The following RPS20 variants were observed in gnomAD, a reference collection of about 807,000 sequenced individuals.
RPS20 encodes the protein small ribosomal subunit protein uS10.
In RPS20, 3 loss-of-function variants were observed where a neutral mutation model predicts 15.3. The ratio of observed to expected loss-of-function variants is 0.20; its 90% CI spans 0.09 to 0.51. The LOEUF (loss-of-function observed/expected upper bound fraction) is 0.51. RPS20 is among the 20% of genes least tolerant of loss of function. RPS20 has a pLI of 0.96. For missense variants in RPS20, 67 were observed against 145.9 expected, an observed-to-expected ratio of 0.46 and a Z score of 2.79; for synonymous variants, 62 against 47.8, an observed-to-expected ratio of 1.30 and a Z score of -1.23.
At position 56,074,100 on chromosome 8, in the gene RPS20, T is replaced by C; in HGVS notation, c.63A>G (p.Arg21=). 1.2e-6 allele frequency: 2 copies of C among 1,613,980 alleles called. No individual in the cohort carries two copies. The highest frequency in any genetic ancestry group is 2.2e-5 in the East Asian group (1 of 44,890). The part of the protein sequence containing the change: ...VEPEVAIHRI[R]ITLTSRNVKS... ...TTACGTTGCGGCTTGTTAGGGTGAT[T>C]CGAATTCGGTGAATTGCCACCTCCG... The change falls in exon 2 of 4, where the codon CGA becomes CGG. Residue 21 remains arginine (R), a synonymous_variant. Transcript: ENST00000009589.
At position 56,074,176 on chromosome 8, in the gene RPS20, G is replaced by T; in HGVS notation, c.4-17C>A. 1 of 1,601,594 alleles carries T rather than the reference G, an allele frequency of 6.2e-7. No homozygotes were observed. ...CTTAAAAGCCTATTATTAGATACAT[G>T]AAAAAGAACAATAAGCCAAAAATGG... On this transcript the variant is annotated splice_polypyrimidine_tract_variant and intron_variant, in intron 1 of 3. Coordinates refer to ENST00000009589, the MANE Select transcript of RPS20 (RefSeq NM_001023.4).
chr8:56,069,851 T>C (rs1367524025), downstream of RPS20: 7 of 1,352,500 alleles, frequency 5.2e-6, no homozygotes, highest in African/African-American at 4.3e-5. Flanking sequence ...TCAAAAGTAT[T>C]CAGAAAAAAA....
At chr8:56,071,970 AGTG>A (rs1809773558), downstream of RPS20, among the ~76,000 whole-genome samples, 2 of 152,234 alleles carry the variant, frequency 1.3e-5, no homozygotes, top group South Asian at 4.1e-4. Flanking sequence ...GGCTGGGTAC[AGTG>A]GCTCACTCCT....
downstream of RPS20, among the ~76,000 whole-genome samples, chr8:56,072,411 G>C (rs1252905906): frequency 2.0e-5 from 3 of 151,472 alleles, no homozygotes; most frequent in Non-Finnish European, 4.4e-5. Flanking sequence ...AATTAACCAG[G>C]CTTGGTCGCA....
chr8:56,068,540 A>AAAC (rs1401701268), downstream of RPS20: 3 of 151,410 alleles, frequency 2.0e-5, no homozygotes, highest in Non-Finnish European at 4.4e-5. Flanking sequence ...TCTAAAAAAA[A>AAAC]AAAAAAAAAA....
At position 56,074,453 on chromosome 8, in the gene RPS20, G is replaced by C; in HGVS notation, c.-70C>G. The C allele has an allele frequency of 6.6e-7, 1 of 1,518,950 alleles. No homozygotes were observed. Among genetic ancestry groups the C allele is most frequent in the Non-Finnish European group, 8.8e-7 (1 of 1,134,622 alleles). 94.1% of individuals were successfully genotyped at this position (1,518,950 alleles called of 1,614,324 possible). A position where few individuals can be genotyped will look rare whatever the true frequency, so the allele number is the denominator to read the frequency against. ...AGCGAACAGCGGTGAGTCAGGAGCA[G>C]GAGCGTGCGGACCAAAAATCCTCAG... On this transcript the variant is annotated 5_prime_UTR_variant, in exon 1 of 4. Transcript: ENST00000009589.
At chr8:56,072,780 G>C (rs751466931), downstream of RPS20, 14 of 728,102 alleles carry the variant, frequency 1.9e-5, no homozygotes, top group Non-Finnish European at 2.2e-5. Flanking sequence ...CCATGGGTGT[G>C]CATTACAAAC....
downstream of RPS20, among the ~76,000 whole-genome samples, chr8:56,068,805 A>ATTTTTT (rs1320901753): frequency 2.4e-5 from 1 of 41,530 alleles, no homozygotes; most frequent in African/African-American, 8.1e-5. Context: ...TGGTGAAAAT[A>ATTTTTT]TCTTTTTTTT....
In RPS20 at chr8:56,074,159, C is replaced by T. The variant is rs1376859267; in HGVS notation, c.4G>A (p.Ala2Thr). 6 of 1,609,764 alleles carry T rather than the reference C, an allele frequency of 3.7e-6. No individual in the cohort carries two copies. The highest frequency in any genetic ancestry group is 5.1e-6 in the Non-Finnish European group (6 of 1,178,844). Residue 2 changes from alanine (A) to threonine (T), a missense_variant and splice_region_variant, in exon 2 of 4, where the codon GCT becomes ACT. By Grantham distance (58) the Ala-to-Thr change is moderately conservative. Coordinates refer to ENST00000009589, the MANE Select transcript of RPS20 (RefSeq NM_001023.4). MAFKDTGKTPVE... is the reference protein window; with the variant it reads MTFKDTGKTPVE... ...GGTGTTTTTCCGGTATCCTTAAAAG[C>T]CTATTATTAGATACATGAAAAAGAA...
intron 1 of RPS20, 24 bp from the exon 2 acceptor site, chr8:56,074,183 A>T (rs1809863484): frequency 1.9e-6 from 3 of 1,593,178 alleles, no homozygotes; most frequent in Non-Finnish European, 2.6e-6. Flanking sequence ...CATGAAAAAG[A>T]ACAATAAGCC....
At chr8:56,069,745 G>C (rs1291075658), downstream of RPS20, 6 of 1,551,620 alleles carry the variant, frequency 3.9e-6, no homozygotes, top group Non-Finnish European at 2.6e-6. Context: ...CAGTTAAAAA[G>C]GACATGTCCC....
downstream of RPS20, among the ~76,000 whole-genome samples, chr8:56,070,730 T>A (rs1350548695): frequency 1.4e-5 from 2 of 145,080 alleles, no homozygotes; most frequent in Non-Finnish European, 3.1e-5. Context: ...CTGTTTCCAT[T>A]TAAATTCAAA....
downstream of RPS20, chr8:56,069,943 A>T (rs1563346134): frequency 1.4e-6 from 1 of 696,138 alleles, no homozygotes; most frequent in Non-Finnish European, 2.6e-6. Context: ...CATACCATTT[A>T]CATTGTATTA....
downstream of RPS20, among the ~76,000 whole-genome samples, chr8:56,072,555 C>CG (rs1809794124): frequency 6.8e-6 from 1 of 148,100 alleles, no homozygotes; most frequent in Non-Finnish European, 1.5e-5. Flanking sequence ...CCGTCCCCCC[C>CG]CCCAAAAAAA....
At chr8:56,068,773 A>AG (rs1446248976), downstream of RPS20, among the ~76,000 whole-genome samples, 1 of 143,506 alleles carries the variant, frequency 7.0e-6, no homozygotes, top group Non-Finnish European at 1.5e-5. Context: ...GTTTCTTAAA[A>AG]TTAAAAATTT....
downstream of RPS20, among the ~76,000 whole-genome samples, chr8:56,072,415 G>T (rs1809789915): frequency 6.6e-6 from 1 of 151,502 alleles, no homozygotes; most frequent in Non-Finnish European, 1.5e-5. Flanking sequence ...AACCAGGCTT[G>T]GTCGCAGGCA....
chr8:56,069,344 C>CA (rs1217195219), downstream of RPS20, among the ~76,000 whole-genome samples: 1 of 152,050 alleles, frequency 6.6e-6, no homozygotes, highest in African/African-American at 2.4e-5. Context: ...CCACAGCACT[C>CA]AATCCACTAT....
chr8:56,073,435 G>C, intron 3 of RPS20, 163 bp from the exon 4 acceptor site: 1 of 650,186 alleles, frequency 1.5e-6, no homozygotes, highest in South Asian at 1.9e-5. Context: ...TGCCAGGTCT[G>C]TTTTCACTGT....
downstream of RPS20, chr8:56,068,093 T>C (rs1809657793): frequency 6.6e-6 from 1 of 152,184 alleles, no homozygotes; most frequent in Non-Finnish European, 1.5e-5. Flanking sequence ...GTTGGAGTCA[T>C]ACATGAAATA....
Sources: allele counts gnomAD v4.1 joint callset (sites outside exome capture counted in the v4.1 genomes callset), GRCh38; gene constraint gnomAD v4.1.1; transcripts MANE v1.5; gene names NCBI Gene and HGNC (gene_info 2026-07-23, HGNC 2026-07-21).